WDR20: variants seen among roughly 807,000 people sequenced by gnomAD.
The protein encoded by WDR20 is WD repeat-containing protein 20.
Under a neutral mutation model 38.7 loss-of-function variants are expected in WDR20, and 3 were observed. That is an observed-to-expected ratio of 0.08 (90% CI 0.04 to 0.20). The LOEUF is 0.20. WDR20 is among the 10% of genes least tolerant of loss of function. WDR20 has a pLI of 1.00. For missense variants in WDR20, 559 were observed against 727.7 expected, an observed-to-expected ratio of 0.77 and a Z score of 2.67; for synonymous variants, 298 against 285.6, an observed-to-expected ratio of 1.04 and a Z score of -0.44.
intron 1 of WDR20, among the ~76,000 whole-genome samples, chr14:102,162,864 A>G (rs767845320): frequency 1.7e-4 from 26 of 152,204 alleles, no homozygotes; most frequent in African/African-American, 3.9e-4. Flanking sequence ...TGCCTGCCTC[A>G]GCCTCCCAAA....
intron 1 of WDR20, among the ~76,000 whole-genome samples, chr14:102,142,567 C>G (rs1030773781): frequency 6.6e-6 from 1 of 152,022 alleles, no homozygotes; most frequent in African/African-American, 2.4e-5. Context: ...GATCTTCCCA[C>G]TTCAGCCTTC....
intron 1 of WDR20, among the ~76,000 whole-genome samples, chr14:102,152,420 C>CT (rs35441566): frequency 0.68 from 98,089 of 145,236 alleles, 35,900 homozygotes; most frequent in East Asian, 0.92. Flanking sequence ...CAGGGTCTCT[C>CT]TTTTTTTTTT....
chr14:102,181,501 A>G (rs1157870136), intron 1 of WDR20, among the ~76,000 whole-genome samples: 2 of 151,516 alleles, frequency 1.3e-5, no homozygotes. Context: ...TTTAATGACC[A>G]TTCACCTGAG....
In WDR20 at chr14:102,208,080, C is replaced by T. The variant is rs527523734; in HGVS notation, c.433-523C>T. Among the ~76,000 whole-genome samples, 29 of 152,304 alleles carry T rather than the reference C, an allele frequency of 1.9e-4. No individual in the cohort carries two copies. The East Asian group carries it at 4.0e-3, about 21-fold the overall frequency. Reference sequence around the variant, plus strand: ...GACTGTGGATTTCACTCCCCACCTTCGAGCCGCCAGAGCAGAGGGGCAGAT... The same window carrying T: ...GACTGTGGATTTCACTCCCCACCTTTGAGCCGCCAGAGCAGAGGGGCAGAT... On this transcript the variant is annotated intron_variant, in intron 2 of 2. Coordinates refer to ENST00000342702, the MANE Select transcript of WDR20 (RefSeq NM_144574.4). The surrounding 1 kb of genome is among the most constrained non-coding windows in gnomAD (Gnocchi z 5.6).
intron 1 of WDR20, chr14:102,193,587 A>C: frequency 6.8e-7 from 1 of 1,478,006 alleles, no homozygotes; most frequent in South Asian, 1.2e-5. Flanking sequence ...ACTACTTGTT[A>C]CCGCTCAGGT....
intron 1 of WDR20, among the ~76,000 whole-genome samples, chr14:102,163,177 G>C (rs1269575387): frequency 6.6e-6 from 1 of 152,110 alleles, no homozygotes; most frequent in Non-Finnish European, 1.5e-5. Flanking sequence ...GTTATTATGA[G>C]ACTGGGTTTG....
chr14:102,149,484 T>C (rs560597701), intron 1 of WDR20, among the ~76,000 whole-genome samples: 2 of 152,368 alleles, frequency 1.3e-5, no homozygotes, highest in South Asian at 4.1e-4. Flanking sequence ...TTCAAATAGA[T>C]AATTTGCCCT....
chr14:102,164,204 T>A (rs772158661), intron 1 of WDR20, among the ~76,000 whole-genome samples: 7 of 151,712 alleles, frequency 4.6e-5, no homozygotes, highest in Non-Finnish European at 1.0e-4. Context: ...ACCCTTAGAC[T>A]CATGACACCT....
At chr14:102,174,729 T>G (rs1178173779) in intron 1 of WDR20, among the ~76,000 whole-genome samples, 1 of 152,160 alleles carries the variant, frequency 6.6e-6, no homozygotes, top group African/African-American at 2.4e-5. Context: ...TTTTTTGTTT[T>G]TTAATTATGG....
At chr14:102,188,315 A>G (rs937030652) in intron 1 of WDR20, among the ~76,000 whole-genome samples, 1 of 152,146 alleles carries the variant, frequency 6.6e-6, no homozygotes, top group African/African-American at 2.4e-5. Flanking sequence ...GTTGGTGGGA[A>G]CCAGGCTGCA....
At chr14:102,154,236 C>G (rs1404088859) in intron 1 of WDR20, among the ~76,000 whole-genome samples, 2 of 152,202 alleles carry the variant, frequency 1.3e-5, no homozygotes, top group Non-Finnish European at 2.9e-5. Flanking sequence ...TAACACAATA[C>G]CATAGATTAG....
At chr14:102,151,992 A>C (rs2056056153) in intron 1 of WDR20, among the ~76,000 whole-genome samples, 1 of 151,810 alleles carries the variant, frequency 6.6e-6, no homozygotes. Flanking sequence ...CACGATCTCA[A>C]CTCACTGCAA....
At chr14:102,168,534 T>C (rs2060205564) in intron 1 of WDR20, among the ~76,000 whole-genome samples, 1 of 152,140 alleles carries the variant, frequency 6.6e-6, no homozygotes, top group East Asian at 1.9e-4. Context: ...CAAGTATGTG[T>C]TTTTTCAATT....
chr14:102,179,862 A>G (rs1041323450), intron 1 of WDR20, among the ~76,000 whole-genome samples: 1 of 151,302 alleles, frequency 6.6e-6, no homozygotes, highest in Non-Finnish European at 1.5e-5. Context: ...ATTAATAATG[A>G]TAACAGTTAC....
chr14:102,195,313 GT>G (rs2059230300), intron 2 of WDR20, among the ~76,000 whole-genome samples, 193 bp downstream of exon 2: 1 of 152,088 alleles, frequency 6.6e-6, no homozygotes, highest in Admixed American at 6.6e-5. Context: ...TGGGGTGACT[GT>G]TTTGTGCATT....
intron 2 of WDR20, among the ~76,000 whole-genome samples, chr14:102,204,926 C>G (rs1023080329): frequency 6.6e-6 from 1 of 152,144 alleles, no homozygotes; most frequent in Non-Finnish European, 1.5e-5. Flanking sequence ...AGGATGCTGT[C>G]TTTGTGCCCA....
chr14:102,148,540 C>CAAAA (rs57236717), intron 1 of WDR20, among the ~76,000 whole-genome samples: 2 of 131,668 alleles, frequency 1.5e-5, no homozygotes, highest in Admixed American at 7.3e-5. Flanking sequence ...GACTCTGTCT[C>CAAAA]AAAAAAAAAA....
chr14:102,152,205 T>G (rs1201417933), intron 1 of WDR20, among the ~76,000 whole-genome samples: 1 of 151,982 alleles, frequency 6.6e-6, no homozygotes, highest in African/African-American at 2.4e-5. Flanking sequence ...TGTGAGCCAC[T>G]GAACCCTGGC....
chr14:102,158,823 G>C (rs1339474433), intron 1 of WDR20, among the ~76,000 whole-genome samples: 3 of 152,052 alleles, frequency 2.0e-5, no homozygotes, highest in Non-Finnish European at 2.9e-5. Flanking sequence ...TCCCCGACTC[G>C]TTCGCTAAAT....
Sources: gnomAD v4.1 joint callset for allele counts (sites outside exome capture counted in the v4.1 genomes callset) on GRCh38, gnomAD v4.1.1 for gene constraint, Gnocchi (gnomAD v3.1) non-coding constraint, MANE v1.5 for transcripts, NCBI Gene and HGNC (gene_info 2026-07-23, HGNC 2026-07-21) for gene names.